The following OR5H14 variants were observed in gnomAD, a reference collection of about 807,000 sequenced individuals.
The protein encoded by OR5H14 is olfactory receptor 5H14.
For missense variants in OR5H14, 392 were observed against 363.9 expected, an observed-to-expected ratio of 1.08 and a Z score of -0.63; for synonymous variants, 155 against 130.6, an observed-to-expected ratio of 1.19 and a Z score of -1.28.
rs756519306 is a variant in OR5H14, at chr3:98,149,940, A to T, written c.555A>T (p.Leu185Phe). The T allele has an allele frequency of 7.4e-6, 12 of 1,613,280 alleles. No individual in the cohort carries two copies. In the East Asian group the frequency reaches 8.9e-5, roughly 12 times the overall value. ...QHFYCDIIPL[L>F]KISYTDSSIN... ...TTTACTGTGACATTATCCCATTGTTAAAGATTTCTTATACTGATTCCTCTA... is the reference window on the plus strand; with the variant it reads ...TTTACTGTGACATTATCCCATTGTTTAAGATTTCTTATACTGATTCCTCTA... The change falls in exon 2 of 2, where the codon TTA (leucine) becomes TTT (phenylalanine). Residue 185 changes from leucine to phenylalanine, a missense_variant. Transcript: ENST00000641380.
chr3:98,148,817 C>T (rs1708456584), intron 1 of OR5H14, among the ~76,000 whole-genome samples: 1 of 151,954 alleles, frequency 6.6e-6, no homozygotes, highest in Admixed American at 6.6e-5. Flanking sequence ...TCATAAAACA[C>T]CCTCCCAGAT....
Position 98,153,538 on chromosome 3 carries a change from G to T in OR5H14, c.*3220G>T, listed in dbSNP as rs1708538433. On this transcript the variant is annotated 3_prime_UTR_variant, in exon 2 of 2. Coordinates refer to ENST00000641380, the MANE Select transcript of OR5H14 (RefSeq NM_001005514.2). ...TGGGAGGTTGCAGTGAGCCGAGAAG[G>T]CACCACTGTACACCAGCCTAGGGAA... 6.6e-6 allele frequency: 1 copy of T among 152,180 alleles called. No individual in the cohort carries two copies. The highest frequency in any genetic ancestry group is 1.5e-5 in the Non-Finnish European group (1 of 68,074). The allele number at this position is 152,180 out of a possible 1,614,324, so 9.4% of individuals were successfully genotyped here. A position where few individuals can be genotyped will look rare whatever the true frequency, so the allele number is the denominator to read the frequency against.
At position 98,155,368 on chromosome 3, in the gene OR5H14, G is replaced by A. The variant is rs75451355; in HGVS notation, c.*5050G>A. On this transcript the variant is annotated 3_prime_UTR_variant, in exon 2 of 2. Transcript: ENST00000641380. The stretch of plus-strand genomic sequence containing the variant: ...GGTAATGGGCTCTATCTAGGTGTCA[G>A]GCAAAAAGATCTCATTAGGTGGTTC... The A allele has an allele frequency of 0.15, 22,366 of 144,556 alleles. No homozygotes were observed. Among genetic ancestry groups the A allele is most frequent in the East Asian group, 0.34 (1,601 of 4,750 alleles). 9.0% of individuals were successfully genotyped at this position (144,556 alleles called of 1,614,324 possible). A position where few individuals can be genotyped will look rare whatever the true frequency, so the allele number is the denominator to read the frequency against.
At chr3:98,149,194 TA>T in intron 1 of OR5H14, 173 bp from the exon 2 acceptor site, 2 of 744,570 alleles carry the variant, frequency 2.7e-6, no homozygotes, top group African/African-American at 1.8e-5. Context: ...ATTTTCAAAC[TA>T]AAATATGACA....
Position 98,150,271 on chromosome 3 carries a change from C to T in OR5H14, c.886C>T (p.Gln296Ter), listed in dbSNP as rs371516937. The T allele has an allele frequency of 1.3e-6, 2 of 1,596,222 alleles. No individual in the cohort carries two copies. Among genetic ancestry groups the T allele is most frequent in the African/African-American group, 2.7e-5 (2 of 73,870 alleles). The change falls in exon 2 of 2, where the codon CAA (glutamine) becomes TAA (stop). Residue 296 changes from glutamine to a stop codon, truncating the protein, a stop_gained. Coordinates refer to ENST00000641380, the MANE Select transcript of OR5H14 (RefSeq NM_001005514.2). LOFTEE classifies it low-confidence loss of function (END_TRUNC). ...CATGATCTACAGCCTGAGAAACAAG[C>T]AAGTAATAGCTTCATTCACAAAAAT... ...NPMIYSLRNK[Q>*]VIASFTKMFK...
rs1708527747 is a variant in OR5H14 at position 98,152,954 on chromosome 3, T to A, written c.*2636T>A. 1 of 152,164 alleles carries A rather than the reference T, an allele frequency of 6.6e-6. No homozygotes were observed. The highest frequency in any genetic ancestry group is 1.9e-4 in the East Asian group (1 of 5,186). 9.4% of individuals were successfully genotyped at this position (152,164 alleles called of 1,614,324 possible). On this transcript the variant is annotated 3_prime_UTR_variant, in exon 2 of 2. Transcript: ENST00000641380. ...TATTTTCTCCCTTTTGTTTCACTTC[T>A]CAATTATAGGATACTGACCAACACT... is the stretch of plus-strand genomic sequence containing the variant.
Position 98,150,030 on chromosome 3 carries a change from T to G in OR5H14, c.645T>G (p.Leu215=). 1 of 1,612,966 alleles carries G rather than the reference T, an allele frequency of 6.2e-7. No individual in the cohort carries two copies. The highest frequency in any genetic ancestry group is 8.5e-7 in the Non-Finnish European group (1 of 1,179,540). ...AAGTTTTTACCATAGGGACTGTTCTTATATCTTACATATTTGTCCTCTATA... is the reference window on the plus strand; with the variant it reads ...AAGTTTTTACCATAGGGACTGTTCTGATATCTTACATATTTGTCCTCTATA... ...SIQVFTIGTV[L]ISYIFVLYTI... Residue 215 remains leucine (L), a synonymous_variant, in exon 2 of 2, where the codon CTT becomes CTG. Transcript: ENST00000641380.
Position 98,150,206 on chromosome 3 carries a change from A to G in OR5H14, c.821A>G (p.Glu274Gly), listed in dbSNP as rs1234640096. The change falls in exon 2 of 2, where the codon GAG becomes GGG. Residue 274 changes from glutamate (E) to glycine (G), a missense_variant. Coordinates refer to ENST00000641380, the MANE Select transcript of OR5H14 (RefSeq NM_001005514.2). Reference protein sequence around the residue: ...SPQADDQDMMESLFYTVIVPL... With the variant: ...SPQADDQDMMGSLFYTVIVPL... ...CAGGCTGATGACCAAGATATGATGG[A>G]GTCTCTATTTTACACTGTCATAGTT... The G allele has an allele frequency of 1.2e-6, 2 of 1,612,868 alleles. No homozygotes were observed. Among genetic ancestry groups the G allele is most frequent in the Non-Finnish European group, 1.7e-6 (2 of 1,179,384 alleles).
Position 98,149,488 on chromosome 3 carries a change from T to C in OR5H14, c.103T>C (p.Tyr35His), listed in dbSNP as rs748137959. The change falls in exon 2 of 2, where the codon TAT becomes CAT. Residue 35 changes from tyrosine to histidine, a missense_variant. Physicochemically the swap from Tyr to His is moderately conservative, Grantham distance 83. Transcript: ENST00000641380. The part of the protein sequence containing the change: ...IPLFLAFLVI[Y>H]LITIMGNLGL... ...CCTGTTCCTGGCATTCTTGGTAATA[T>C]ATCTCATCACCATCATGGGGAATCT... 2 of 1,613,354 alleles carry C rather than the reference T, an allele frequency of 1.2e-6. No individual in the cohort carries two copies. The highest frequency in any genetic ancestry group is 1.7e-6 in the Non-Finnish European group (2 of 1,179,562).
At chr3:98,148,445 C>T (rs1345092467) in intron 1 of OR5H14, among the ~76,000 whole-genome samples, 1 of 152,040 alleles carries the variant, frequency 6.6e-6, no homozygotes, top group African/African-American at 2.4e-5. Context: ...CTCTAACAGG[C>T]TCATATTGCT....
rs529024804 is a variant in OR5H14 at position 98,154,105 on chromosome 3, T to C, written c.*3787T>C. The C allele has an allele frequency of 1.3e-5, 2 of 152,300 alleles. No homozygotes were observed. The highest frequency in any genetic ancestry group is 2.4e-5 in the African/African-American group (1 of 41,580). 9.4% of individuals were successfully genotyped at this position (152,300 alleles called of 1,614,324 possible). On this transcript the variant is annotated 3_prime_UTR_variant, in exon 2 of 2. Coordinates refer to ENST00000641380, the MANE Select transcript of OR5H14 (RefSeq NM_001005514.2). Reference sequence around the variant, plus strand: ...TTCTATGCCTGAACTCAACATGAATTGACCAGAATGTTTTACAAATCATAC... The same window carrying C: ...TTCTATGCCTGAACTCAACATGAATCGACCAGAATGTTTTACAAATCATAC...
In OR5H14 at chr3:98,152,878, A is replaced by C. The variant is rs563138455; in HGVS notation, c.*2560A>C. 18 of 98,040 alleles carry C rather than the reference A, an allele frequency of 1.8e-4. No homozygotes were observed. The highest frequency in any genetic ancestry group is 8.6e-4 in the African/African-American group (18 of 20,886). 6.1% of individuals were successfully genotyped at this position (98,040 alleles called of 1,614,324 possible). Reference sequence around the variant, plus strand: ...TTTCTGTGTGCTTAGGTAGAAACCCATTTTGCTGGAGCCACCTCAGCCCAA... The same window carrying C: ...TTTCTGTGTGCTTAGGTAGAAACCCCTTTTGCTGGAGCCACCTCAGCCCAA... On this transcript the variant is annotated 3_prime_UTR_variant, in exon 2 of 2. Coordinates refer to ENST00000641380, the MANE Select transcript of OR5H14 (RefSeq NM_001005514.2).
In OR5H14 at chr3:98,153,186, G is replaced by C. The variant is rs1708532126; in HGVS notation, c.*2868G>C. On this transcript the variant is annotated 3_prime_UTR_variant, in exon 2 of 2. Transcript: ENST00000641380. ...TTGAGAAAATACAGCATACCAGCAAGATTACAATGATGACCCCTTGAGGAA... is the reference window on the plus strand; with the variant it reads ...TTGAGAAAATACAGCATACCAGCAACATTACAATGATGACCCCTTGAGGAA... 6.6e-6 allele frequency: 1 copy of C among 152,170 alleles called. No individual in the cohort carries two copies. Among genetic ancestry groups the C allele is most frequent in the South Asian group, 2.1e-4 (1 of 4,830 alleles). The allele number at this position is 152,170 out of a possible 1,614,324, so 9.4% of individuals were successfully genotyped here.
rs1032471918 is a variant in OR5H14 at position 98,154,473 on chromosome 3, C to T, written c.*4155C>T. On this transcript the variant is annotated 3_prime_UTR_variant, in exon 2 of 2. Transcript: ENST00000641380. ...TTGTTTGGGACAAGGATATTTTTCC[C>T]TATTGCTCTCAGCCCAGATTTTGAC... is the stretch of plus-strand genomic sequence containing the variant. 1.3e-5 allele frequency: 2 copies of T among 152,332 alleles called. No homozygotes were observed. The highest frequency in any genetic ancestry group is 6.5e-5 in the Admixed American group (1 of 15,298). 9.4% of individuals were successfully genotyped at this position (152,332 alleles called of 1,614,324 possible). A position where few individuals can be genotyped will look rare whatever the true frequency, so the allele number is the denominator to read the frequency against.
rs531310266 is a variant in OR5H14, at chr3:98,151,665, C to T, written c.*1347C>T. The stretch of plus-strand genomic sequence containing the variant: ...GTGTCAATATCTATGTATACATACA[C>T]TTATGTATACATGAGAGGAGAGAAA... On this transcript the variant is annotated 3_prime_UTR_variant, in exon 2 of 2. Coordinates refer to ENST00000641380, the MANE Select transcript of OR5H14 (RefSeq NM_001005514.2). The T allele has an allele frequency of 3.9e-5, 6 of 152,236 alleles. No individual in the cohort carries two copies. In the South Asian group the frequency reaches 6.2e-4, roughly 16 times the overall value. The allele number at this position is 152,236 out of a possible 1,614,324, so 9.4% of individuals were successfully genotyped here. A position where few individuals can be genotyped will look rare whatever the true frequency, so the allele number is the denominator to read the frequency against.
chr3:98,150,017 T>C lies in OR5H14; in HGVS notation c.632T>C (p.Ile211Thr), dbSNP rs1708481830. 6.2e-7 allele frequency: 1 copy of C among 1,613,114 alleles called. No homozygotes were observed. Among genetic ancestry groups the C allele is most frequent in the Non-Finnish European group, 8.5e-7 (1 of 1,179,542 alleles). ...GCAGGTTCAATTCAAGTTTTTACCA[T>C]AGGGACTGTTCTTATATCTTACATA... ...IFAGSIQVFTIGTVLISYIFV... is the reference protein window; with the variant it reads ...IFAGSIQVFTTGTVLISYIFV... The change falls in exon 2 of 2, where the codon ATA becomes ACA. Residue 211 changes from isoleucine (I) to threonine (T), a missense_variant. Ile to Thr is a moderately conservative substitution (Grantham distance 89). Coordinates refer to ENST00000641380, the MANE Select transcript of OR5H14 (RefSeq NM_001005514.2).
At position 98,149,835 on chromosome 3, in the gene OR5H14, A is replaced by C. The variant is rs1251077373; in HGVS notation, c.450A>C (p.Val150=). 6.2e-7 allele frequency: 1 copy of C among 1,613,106 alleles called. No individual in the cohort carries two copies. The highest frequency in any genetic ancestry group is 8.5e-7 in the Non-Finnish European group (1 of 1,179,744). The change falls in exon 2 of 2, where the codon GTA becomes GTC. Residue 150 remains valine (V), a synonymous_variant. Coordinates refer to ENST00000641380, the MANE Select transcript of OR5H14 (RefSeq NM_001005514.2). ...TCCGGCTATTAATCTTGTCATATGT[A>C]GGTGGTCTTCTTCATGCTTTAATCC... ...LCIRLLILSY[V]GGLLHALIHE... is the part of the protein sequence containing the mutation.
At position 98,154,111 on chromosome 3, in the gene OR5H14, G is replaced by C. The variant is rs962902683; in HGVS notation, c.*3793G>C. Reference sequence around the variant, plus strand: ...GCCTGAACTCAACATGAATTGACCAGAATGTTTTACAAATCATACTTTTAA... The same window carrying C: ...GCCTGAACTCAACATGAATTGACCACAATGTTTTACAAATCATACTTTTAA... On this transcript the variant is annotated 3_prime_UTR_variant, in exon 2 of 2. Transcript: ENST00000641380. 2 of 152,134 alleles carry C rather than the reference G, an allele frequency of 1.3e-5. No homozygotes were observed. Among genetic ancestry groups the C allele is most frequent in the African/African-American group, 2.4e-5 (1 of 41,434 alleles). 9.4% of individuals were successfully genotyped at this position (152,134 alleles called of 1,614,324 possible).
chr3:98,150,299 T>A lies in OR5H14; in HGVS notation c.914T>A (p.Phe305Tyr). The A allele has an allele frequency of 6.3e-7, 1 of 1,578,252 alleles. No homozygotes were observed. ...GTAATAGCTTCATTCACAAAAATGT[T>A]CAAAAGAAATGATGTTTAGATCATT... ...KQVIASFTKMFKRNDV is the reference protein window; with the variant it reads ...KQVIASFTKMYKRNDV The change falls in exon 2 of 2, where the codon TTC (phenylalanine) becomes TAC (tyrosine). Residue 305 changes from phenylalanine to tyrosine, a missense_variant. Coordinates refer to ENST00000641380, the MANE Select transcript of OR5H14 (RefSeq NM_001005514.2).
Sources: allele counts gnomAD v4.1 joint callset (sites outside exome capture counted in the v4.1 genomes callset), GRCh38; gene constraint gnomAD v4.1.1; transcripts MANE v1.5; gene names NCBI Gene and HGNC (gene_info 2026-07-23, HGNC 2026-07-21).